The following NAA35 variants were observed in gnomAD, a reference collection of about 807,000 sequenced individuals.
The protein encoded by NAA35 is N-alpha-acetyltransferase 35, NatC auxiliary subunit.
Under a neutral mutation model 101.7 loss-of-function variants are expected in NAA35, and 18 were observed. The observed-to-expected ratio is 0.18, with a 90% confidence interval of 0.12 to 0.26. The LOEUF (loss-of-function observed/expected upper bound fraction) is 0.26. Among genes scored for constraint, NAA35 ranks in the 10% least tolerant of loss-of-function variants. The pLI, the probability that NAA35 is intolerant of heterozygous loss-of-function variation, is 1.00. For synonymous variants in NAA35, 267 were observed against 273.1 expected (o/e 0.98, Z 0.22); for missense variants, 601 against 886.8 (o/e 0.68, Z 4.09).
intron 5 of NAA35, 76 bp downstream of exon 5, chr9:85,959,943 C>T (rs1437594959): frequency 2.8e-6 from 3 of 1,068,920 alleles, no homozygotes; most frequent in Non-Finnish European, 4.2e-6. Context: ...AAAGCCTATA[C>T]ACTAATGTTG....
At chr9:85,993,778 T>C (rs1831034878) in intron 11 of NAA35, among the ~76,000 whole-genome samples, 1 of 152,152 alleles carries the variant, frequency 6.6e-6, no homozygotes, top group South Asian at 2.1e-4. Context: ...TTTTTTTCTC[T>C]TAAACTCAGT....
chr9:85,969,859 TAAAAAAAAAAA>T (rs76512245), intron 6 of NAA35, among the ~76,000 whole-genome samples: 8 of 134,826 alleles, frequency 5.9e-5, no homozygotes, highest in Admixed American at 2.3e-4. Flanking sequence ...CTCTGTCTCT[TAAAAAAAAAAA>T]AAAAAAAGAT....
At chr9:85,981,829 T>C (rs1830451728) in intron 11 of NAA35, among the ~76,000 whole-genome samples, 1 of 152,216 alleles carries the variant, frequency 6.6e-6, no homozygotes. Flanking sequence ...ATGTCTATTC[T>C]AGTAGAAGAA....
intron 11 of NAA35, among the ~76,000 whole-genome samples, chr9:85,980,254 G>A (rs552796511): frequency 6.6e-6 from 1 of 152,136 alleles, no homozygotes; most frequent in South Asian, 2.1e-4. Context: ...GTGTCCTCCT[G>A]AATTTTTACA....
intron 6 of NAA35, among the ~76,000 whole-genome samples, chr9:85,968,996 A>G (rs767142557): frequency 3.9e-5 from 6 of 152,264 alleles, no homozygotes; most frequent in South Asian, 2.1e-4. Context: ...TGTGAAACCT[A>G]TCAGATAATC....
chr9:85,956,014 TAGC>T (rs962964312), intron 2 of NAA35, among the ~76,000 whole-genome samples: 1 of 152,224 alleles, frequency 6.6e-6, no homozygotes, highest in Non-Finnish European at 1.5e-5. Context: ...ACTTGAGAAG[TAGC>T]AGTCAGTTCT....
At chr9:85,958,669 C>G in intron 4 of NAA35, 83 bp downstream of exon 4, 1 of 832,738 alleles carries the variant, frequency 1.2e-6, no homozygotes, top group Non-Finnish European at 1.8e-6. Context: ...TGAAATGAAA[C>G]GTTGTATTAA....
In NAA35 at chr9:85,955,228, G is replaced by A. The variant is rs183579438; in HGVS notation, c.125-1132G>A. On this transcript the variant is annotated intron_variant, in intron 2 of 22. Transcript: ENST00000361671. ...TCTGTTTCAGTACCTGGAACTGTTA[G>A]AAATTAATATTATTTAACTTACAGT... is the stretch of plus-strand genomic sequence containing the variant. Among the ~76,000 whole-genome samples, 436 of 150,320 alleles carry A rather than the reference G, an allele frequency of 2.9e-3. 5 individuals carry two copies. In the South Asian group the frequency reaches 0.034, roughly 12 times the overall value.
rs1451367971 is a variant in NAA35, at chr9:86,024,722, G to GC, written c.*2763dup. Among the ~76,000 whole-genome samples the GC allele has an allele frequency of 2.0e-5, 3 of 151,934 alleles. No individual in the cohort carries two copies. Among genetic ancestry groups the GC allele is most frequent in the Non-Finnish European group, 2.9e-5 (2 of 67,980 alleles). ...TGGTGCCACTTGTGTAGATATCTAG[G>GC]CAAGGTAGGAGACCAGGTTTGGGAT... On this transcript the variant is annotated 3_prime_UTR_variant, in exon 23 of 23. Coordinates refer to ENST00000361671, the MANE Select transcript of NAA35 (RefSeq NM_024635.4).
rs1037159110 is a variant in NAA35, at chr9:85,947,455, G to A, written c.124+5172G>A. ...GGAAATTGTCCTGGCAAAAGATCTA[G>A]GCAACATGTAAAATTGTTTTCCGTG... On this transcript the variant is annotated intron_variant, in intron 2 of 22. Coordinates refer to ENST00000361671, the MANE Select transcript of NAA35 (RefSeq NM_024635.4). Among the ~76,000 whole-genome samples, 3 of 152,314 alleles carry A rather than the reference G, an allele frequency of 2.0e-5. No individual in the cohort carries two copies. The East Asian group carries it at 5.8e-4, about 29-fold the overall frequency.
chr9:86,003,274 G>A (rs1353259303), intron 12 of NAA35, among the ~76,000 whole-genome samples: 2 of 152,148 alleles, frequency 1.3e-5, no homozygotes, highest in Admixed American at 1.3e-4. Context: ...TGTGAAATAG[G>A]AACTAAAGTT....
At chr9:85,942,396 G>A in intron 2 of NAA35, 113 bp downstream of exon 2, 2 of 1,406,472 alleles carry the variant, frequency 1.4e-6, no homozygotes, top group Non-Finnish European at 1.9e-6. Flanking sequence ...GGTTTGTTGA[G>A]TTTGTTAGCC....
chr9:86,005,577 G>A (rs902629003), intron 13 of NAA35, among the ~76,000 whole-genome samples: 2 of 152,162 alleles, frequency 1.3e-5, no homozygotes, highest in Non-Finnish European at 2.9e-5. Flanking sequence ...CATGTAGAAT[G>A]CCCATGGATT....
Position 85,965,779 on chromosome 9 carries a change from T to G in NAA35, c.516+3599T>G, listed in dbSNP as rs376386210. ...AGCATGTATATAGCTTGCTACCACT[T>G]TTTTCTTTTTTAAAAAGGGAGGTAG... is the stretch of plus-strand genomic sequence containing the variant. On this transcript the variant is annotated intron_variant, in intron 6 of 22. Transcript: ENST00000361671. 1.3e-3 allele frequency among the ~76,000 whole-genome samples: 192 copies of G among 152,298 alleles called. 4 individuals are homozygous for G. The South Asian group carries it at 0.034, about 27-fold the overall frequency.
chr9:85,997,668 G>T (rs926735755), intron 12 of NAA35, among the ~76,000 whole-genome samples: 1 of 151,920 alleles, frequency 6.6e-6, no homozygotes, highest in Non-Finnish European at 1.5e-5. Context: ...ATTTATTGTG[G>T]AGACAAGGTC....
intron 16 of NAA35, 109 bp downstream of exon 16, chr9:86,013,253 T>A: frequency 3.3e-6 from 2 of 599,188 alleles, no homozygotes; most frequent in Non-Finnish European, 5.4e-6. Flanking sequence ...TTCAACATGA[T>A]CCACTTTTCA....
intron 10 of NAA35, among the ~76,000 whole-genome samples, chr9:85,977,709 G>A (rs1830272268): frequency 6.6e-6 from 1 of 152,108 alleles, no homozygotes; most frequent in Non-Finnish European, 1.5e-5. Flanking sequence ...AATTGAAAAG[G>A]AGAAAGTAAA....
chr9:85,944,104 C>A (rs1180538349), intron 2 of NAA35, among the ~76,000 whole-genome samples: 1 of 152,050 alleles, frequency 6.6e-6, no homozygotes, highest in African/African-American at 2.4e-5. Flanking sequence ...TGGCTTGGAC[C>A]AAGTAGCTTC....
At chr9:85,973,126 C>G (rs992619830) in intron 6 of NAA35, among the ~76,000 whole-genome samples, 3 of 151,968 alleles carry the variant, frequency 2.0e-5, no homozygotes, top group Non-Finnish European at 4.4e-5. Context: ...GTGTGGGAGC[C>G]GTGAGAGGAG....
Sources: allele counts gnomAD v4.1 joint callset (sites outside exome capture counted in the v4.1 genomes callset), GRCh38; gene constraint gnomAD v4.1.1; transcripts MANE v1.5; gene names NCBI Gene and HGNC (gene_info 2026-07-23, HGNC 2026-07-21).